MRPL38: variants seen among roughly 807,000 people sequenced by gnomAD.
The protein encoded by MRPL38 is mitochondrial ribosomal protein L38.
MRPL38 carries 51 observed loss-of-function variants against 52.1 expected under a neutral mutation model. That is an observed-to-expected ratio of 0.98 (90% CI 0.78 to 1.24). The LOEUF is 1.24. Ranked by LOEUF, MRPL38 falls within the 50% of genes most tolerant of loss-of-function variation. MRPL38 has a pLI of 0.00. For synonymous variants in MRPL38, 245 were observed against 212.7 expected (o/e 1.15, Z -1.32); for missense variants, 527 against 518.6 (o/e 1.02, Z -0.16).
chr17:75,902,570 T>A (rs1190076717), intron 2 of MRPL38, among the ~76,000 whole-genome samples: 1 of 152,190 alleles, frequency 6.6e-6, no homozygotes, highest in African/African-American at 2.4e-5. Flanking sequence ...ATCTTCTTGG[T>A]TAAACTGCCT....
Position 75,901,306 on chromosome 17 carries a change from C to A in MRPL38, c.592-33G>T, listed in dbSNP as rs776480063. ...GGTGAGAAGGAAGCTGTCAGCCCCA[C>A]CAGGGACAGGCCAGCTGTTGCAGGG... On this transcript the variant is annotated intron_variant, in intron 4 of 8. Coordinates refer to ENST00000309352, the MANE Select transcript of MRPL38 (RefSeq NM_032478.4). This position sits in a 1 kb window ranked among gnomAD's most constrained non-coding sequence, Gnocchi z 5.7. 1.2e-6 allele frequency: 2 copies of A among 1,606,220 alleles called. No homozygotes were observed. The highest frequency in any genetic ancestry group is 2.2e-5 in the South Asian group (2 of 90,098).
Position 75,901,920 on chromosome 17 carries a change from G to A in MRPL38, c.383C>T (p.Ala128Val). The A allele has an allele frequency of 6.3e-7, 1 of 1,597,458 alleles. No homozygotes were observed. The highest frequency in any genetic ancestry group is 1.1e-5 in the South Asian group (1 of 90,590). Residue 128 changes from alanine (A) to valine (V), a missense_variant and splice_region_variant, in exon 4 of 9, where the codon GCC (alanine) becomes GTC (valine). Coordinates refer to ENST00000309352, the MANE Select transcript of MRPL38 (RefSeq NM_032478.4). This position sits in a 1 kb window ranked among gnomAD's most constrained non-coding sequence, Gnocchi z 5.7. ...EEERAARLRT[A>V]SVPLDAVRAE... is the part of the protein sequence containing the mutation. ...CCGCACGGCATCCAGCGGGACACTG[G>A]CTAGACAGGAATAAGGCCAGTTGGG...
At chr17:75,902,740 G>A (rs1567853477) in intron 2 of MRPL38, among the ~76,000 whole-genome samples, 1 of 152,112 alleles carries the variant, frequency 6.6e-6, no homozygotes, top group Non-Finnish European at 1.5e-5. Flanking sequence ...GTTTTTCTTT[G>A]AGACAGAATC....
intron 2 of MRPL38, among the ~76,000 whole-genome samples, chr17:75,903,826 A>G (rs2065416124): frequency 6.6e-6 from 1 of 151,888 alleles, no homozygotes; most frequent in Admixed American, 6.6e-5. Flanking sequence ...CCTGGGTTCA[A>G]GCGATTCTCC....
intron 6 of MRPL38, 87 bp downstream of exon 6, chr17:75,900,895 A>G: frequency 6.6e-7 from 1 of 1,519,260 alleles, no homozygotes; most frequent in Non-Finnish European, 8.8e-7. Context: ...TGGGTAGTCC[A>G]TGAAACTCAG....
rs555101571 is a variant in MRPL38 at position 75,899,221 on chromosome 17, C to A, written c.943G>T (p.Gly315Cys). Residue 315 changes from glycine to cysteine, a missense_variant, in exon 8 of 9, where the codon GGC becomes TGC. Transcript: ENST00000309352. ...CAGCGGCACTGGAAGAAGGACAAGC[C>A]GGCTGGAGTCATGGTTTCTTGGTGT... ...KKHQETMTPA[G>C]LSFFQCRWDD... 4.3e-6 allele frequency: 7 copies of A among 1,609,890 alleles called. No individual in the cohort carries two copies. In the African/African-American group the frequency reaches 8.0e-5, roughly 18 times the overall value.
chr17:75,901,686 G>A lies in MRPL38; in HGVS notation c.591+26C>T, dbSNP rs1156832085. ...TGTGTCTGTGTTTGCACAGGGCAGGGAGGAGGGGCACAAGTGAGTGGTTAC... is the reference window on the plus strand; with the variant it reads ...TGTGTCTGTGTTTGCACAGGGCAGGAAGGAGGGGCACAAGTGAGTGGTTAC... On this transcript the variant is annotated intron_variant, in intron 4 of 8. Transcript: ENST00000309352. The surrounding 1 kb of genome is among the most constrained non-coding windows in gnomAD (Gnocchi z 5.7). The A allele has an allele frequency of 6.3e-7, 1 of 1,599,700 alleles. No homozygotes were observed.
At position 75,901,132 on chromosome 17, in the gene MRPL38, C is replaced by A. The variant is rs892501688; in HGVS notation, c.664+69G>T. ...GGAGATCTCCACCTGGCCCCTCCCCCAGCCCCCCAGGGCCCTGGCTCATAG... is the reference window on the plus strand; with the variant it reads ...GGAGATCTCCACCTGGCCCCTCCCCAAGCCCCCCAGGGCCCTGGCTCATAG... On this transcript the variant is annotated intron_variant, in intron 5 of 8. Coordinates refer to ENST00000309352, the MANE Select transcript of MRPL38 (RefSeq NM_032478.4). This position sits in a 1 kb window ranked among gnomAD's most constrained non-coding sequence, Gnocchi z 5.7. The A allele has an allele frequency of 1.3e-4, 207 of 1,600,564 alleles. No homozygotes were observed. The highest frequency in any genetic ancestry group is 1.7e-4 in the Non-Finnish European group (203 of 1,174,420).
Position 75,901,311 on chromosome 17 carries a change from G to T in MRPL38, c.592-38C>A. ...GAAGGAAGCTGTCAGCCCCACCAGG[G>T]ACAGGCCAGCTGTTGCAGGGAGCCT... On this transcript the variant is annotated intron_variant, in intron 4 of 8. Transcript: ENST00000309352. The surrounding 1 kb of genome is among the most constrained non-coding windows in gnomAD (Gnocchi z 5.7). 6.2e-7 allele frequency: 1 copy of T among 1,601,534 alleles called. No individual in the cohort carries two copies. The highest frequency in any genetic ancestry group is 8.5e-7 in the Non-Finnish European group (1 of 1,172,030).
At position 75,901,096 on chromosome 17, in the gene MRPL38, G is replaced by A. The variant is rs981067227; in HGVS notation, c.665-69C>T. On this transcript the variant is annotated intron_variant, in intron 5 of 8. Transcript: ENST00000309352. This position sits in a 1 kb window ranked among gnomAD's most constrained non-coding sequence, Gnocchi z 5.7. ...GCCCTGCCACCCCCTCCCTTGTTAG[G>A]AGCCAGCGCTGGAGATCTCCACCTG... 37 of 1,593,524 alleles carry A rather than the reference G, an allele frequency of 2.3e-5. No individual in the cohort carries two copies. In the Admixed American group the frequency reaches 2.5e-4, roughly 11 times the overall value.
Position 75,901,561 on chromosome 17 carries a change from A to G in MRPL38, c.591+151T>C, listed in dbSNP as rs1473778399. 1.5e-5 allele frequency: 11 copies of G among 720,382 alleles called. No individual in the cohort carries two copies. The highest frequency in any genetic ancestry group is 3.5e-5 in the South Asian group (2 of 57,792). The allele number at this position is 720,382 out of a possible 1,614,324, so 44.6% of individuals were successfully genotyped here. A position where few individuals can be genotyped will look rare whatever the true frequency, so the allele number is the denominator to read the frequency against. The stretch of plus-strand genomic sequence containing the variant: ...GCCTCTTTTTCCTTCATTTTGTTCT[A>G]TTTTCTTTGAAATTGTCATGGTGTC... On this transcript the variant is annotated intron_variant, in intron 4 of 8. Coordinates refer to ENST00000309352, the MANE Select transcript of MRPL38 (RefSeq NM_032478.4). The surrounding 1 kb of genome is among the most constrained non-coding windows in gnomAD (Gnocchi z 5.7).
chr17:75,901,449 C>T lies in MRPL38; in HGVS notation c.592-176G>A. The T allele has an allele frequency of 1.4e-6, 1 of 711,572 alleles. No homozygotes were observed. The highest frequency in any genetic ancestry group is 2.4e-6 in the Non-Finnish European group (1 of 424,096). 44.1% of individuals were successfully genotyped at this position (711,572 alleles called of 1,614,324 possible). ...CCTGCAGAGTTGCCTGTCCAGGCAA[C>T]AACCACAAAAACGAACATGTGCCAA... On this transcript the variant is annotated intron_variant, in intron 4 of 8. Coordinates refer to ENST00000309352, the MANE Select transcript of MRPL38 (RefSeq NM_032478.4). This position sits in a 1 kb window ranked among gnomAD's most constrained non-coding sequence, Gnocchi z 5.7.
chr17:75,901,142 G>A lies in MRPL38; in HGVS notation c.664+59C>T. ...ACCTGGCCCCTCCCCCAGCCCCCCA[G>A]GGCCCTGGCTCATAGGAGGTGAGCG... On this transcript the variant is annotated intron_variant, in intron 5 of 8. Coordinates refer to ENST00000309352, the MANE Select transcript of MRPL38 (RefSeq NM_032478.4). This position sits in a 1 kb window ranked among gnomAD's most constrained non-coding sequence, Gnocchi z 5.7. The A allele has an allele frequency of 6.2e-7, 1 of 1,605,290 alleles. No individual in the cohort carries two copies.
chr17:75,899,484 A>G (rs749127275), intron 7 of MRPL38, 32 bp downstream of exon 7: 1 of 1,553,084 alleles, frequency 6.4e-7, no homozygotes, highest in Admixed American at 1.9e-5. Flanking sequence ...AGCTGGCCTG[A>G]GGCCGGGTTA....
chr17:75,903,895 A>T (rs562522523), intron 2 of MRPL38, among the ~76,000 whole-genome samples: 64 of 151,908 alleles, frequency 4.2e-4, no homozygotes, highest in African/African-American at 1.4e-3. Context: ...CGCCCAGTTA[A>T]TTTTGTATTT....
At chr17:75,899,834 C>T (rs532009994) in intron 6 of MRPL38, 160 bp from the exon 7 acceptor site, 8 of 505,974 alleles carry the variant, frequency 1.6e-5, no homozygotes, top group South Asian at 7.2e-5. Flanking sequence ...CTGTGAACGC[C>T]GGGACATGCT....
chr17:75,902,267 C>G (rs1358857680), intron 2 of MRPL38, 113 bp from the exon 3 acceptor site: 2 of 1,233,234 alleles, frequency 1.6e-6, no homozygotes, highest in Non-Finnish European at 2.2e-6. Context: ...TCTCATCTGG[C>G]TAATTTTTGT....
chr17:75,904,038 C>CT, intron 2 of MRPL38, among the ~76,000 whole-genome samples: 1 of 152,220 alleles, frequency 6.6e-6, no homozygotes, highest in African/African-American at 2.4e-5. Context: ...AGGTTGGGTT[C>CT]TTTTTTGAGT....
chr17:75,899,194 C>A lies in MRPL38; in HGVS notation c.970G>T (p.Asp324Tyr), dbSNP rs1461830876. The change falls in exon 8 of 9, where the codon GAT becomes TAT. Residue 324 changes from aspartate (D) to tyrosine (Y), a missense_variant. By Grantham distance (160) the Asp-to-Tyr change is radical (BLOSUM62 -3). Coordinates refer to ENST00000309352, the MANE Select transcript of MRPL38 (RefSeq NM_032478.4). The part of the protein sequence containing the change: ...AGLSFFQCRW[D>Y]DSVTYIFHQL... ...TGGAAGATGTAGGTGACGGAGTCAT[C>A]CCAGCGGCACTGGAAGAAGGACAAG... 6.2e-7 allele frequency: 1 copy of A among 1,606,326 alleles called. No homozygotes were observed. Among genetic ancestry groups the A allele is most frequent in the Non-Finnish European group, 8.5e-7 (1 of 1,176,804 alleles).
Sources: gnomAD v4.1 joint callset for allele counts (sites outside exome capture counted in the v4.1 genomes callset) on GRCh38, gnomAD v4.1.1 for gene constraint, Gnocchi (gnomAD v3.1) non-coding constraint, MANE v1.5 for transcripts, NCBI Gene and HGNC (gene_info 2026-07-23, HGNC 2026-07-21) for gene names.